ZNF248: variants seen among roughly 807,000 people sequenced by gnomAD.
ZNF248 encodes the protein KRAB protein domain.
A neutral mutation model predicts 44.3 loss-of-function variants in ZNF248; 20 were observed. That is an observed-to-expected ratio of 0.45 (90% confidence interval 0.32 to 0.66). The LOEUF (loss-of-function observed/expected upper bound fraction) is 0.66, where lower values mean the gene tolerates loss of function less well. Among genes scored for constraint, ZNF248 ranks in the 30% least tolerant of loss-of-function variants. ZNF248 has a pLI of 0.04. For synonymous variants in ZNF248, 224 were observed against 229.0 expected (o/e 0.98, Z 0.20); for missense variants, 654 against 677.0 (o/e 0.97, Z 0.38).
At position 37,800,242 on chromosome 10, in the gene ZNF248, T is replaced by C. The variant is rs11595561; in HGVS notation, c.331-23667A>G. Among the ~76,000 whole-genome samples, 1,452 of 152,216 alleles carry C rather than the reference T, an allele frequency of 9.5e-3. 8 individuals are homozygous for C. The highest frequency in any genetic ancestry group is 0.02 in the Middle Eastern group (6 of 294). ...GGTAATAAGCATAGTACTCCATAGG[T>C]AGTTTTTTGACACTCACCCTCCTCT... is the stretch of plus-strand genomic sequence containing the variant. On this transcript the variant is annotated intron_variant, in intron 6 of 6. Transcript: ENST00000615949.
intron 6 of ZNF248, among the ~76,000 whole-genome samples, chr10:37,809,188 AT>A (rs2051102047): frequency 6.6e-6 from 1 of 151,866 alleles, no homozygotes; most frequent in East Asian, 1.9e-4. Context: ...GGTTTAGTTG[AT>A]TTTCTCTATT....
Position 37,857,231 on chromosome 10 carries a change from T to TC in ZNF248, c.-173dup, listed in dbSNP as rs1398989180. The TC allele has an allele frequency of 2.0e-5, 3 of 152,694 alleles. No homozygotes were observed. Among genetic ancestry groups the TC allele is most frequent in the Middle Eastern group, 3.4e-3 (1 of 298 alleles). 9.5% of individuals were successfully genotyped at this position (152,694 alleles called of 1,614,324 possible). A position where few individuals can be genotyped will look rare whatever the true frequency, so the allele number is the denominator to read the frequency against. On this transcript the variant is annotated 5_prime_UTR_variant, in exon 1 of 6. The change abolishes the stop of an existing upstream ORF in the 5' untranslated region. Transcript: ENST00000395867. ...CCAGACCTTGCACCAGCACACAGAC[T>TC]CCGACGGCTTCAGGATACTGTGCCA...
chr10:37,815,325 A>G (rs1378114101), intron 6 of ZNF248, among the ~76,000 whole-genome samples: 1 of 152,108 alleles, frequency 6.6e-6, no homozygotes, highest in East Asian at 1.9e-4. Context: ...CAGCCTCCCA[A>G]AGTGCTGGGA....
At chr10:37,815,507 T>C (rs1359838482) in intron 6 of ZNF248, among the ~76,000 whole-genome samples, 1 of 152,090 alleles carries the variant, frequency 6.6e-6, no homozygotes, top group East Asian at 1.9e-4. Flanking sequence ...TCTCTATCTT[T>C]ATTGATGTTT....
At chr10:37,819,752 T>C (rs989374349) in intron 6 of ZNF248, 12 of 781,638 alleles carry the variant, frequency 1.5e-5, no homozygotes, top group Admixed American at 8.5e-5. Flanking sequence ...TTCAGCTCCA[T>C]TGGTCCTGCT....
At chr10:37,762,952 A>T in the ZNF248 span, among the ~76,000 whole-genome samples, 8 of 152,322 alleles carry the variant, frequency 5.3e-5, no homozygotes, top group East Asian at 3.9e-4. Context: ...TTTTTTAAAA[A>T]AATGTGTGTC....
At chr10:37,819,381 C>A in intron 6 of ZNF248, 1 of 1,353,782 alleles carries the variant, frequency 7.4e-7, no homozygotes, top group African/African-American at 1.4e-5. Context: ...ATCCAGTATT[C>A]CCTACATGCA....
downstream of ZNF248, among the ~76,000 whole-genome samples, chr10:37,826,510 G>A (rs1018153656): frequency 4.6e-5 from 7 of 152,124 alleles, no homozygotes; most frequent in Non-Finnish European, 7.4e-5. Flanking sequence ...GTTCAGGTAC[G>A]TTTTTCATCA....
At chr10:37,811,242 A>G (rs1446421398) in intron 6 of ZNF248, among the ~76,000 whole-genome samples, 1 of 152,208 alleles carries the variant, frequency 6.6e-6, no homozygotes, top group East Asian at 1.9e-4. Context: ...CTGTAGAAAA[A>G]GAAAATTTAT....
chr10:37,837,730 C>A lies in ZNF248; in HGVS notation c.143-18G>T. ...GCAATACCCTGTTAAGAGAAAATAC[C>A]ACAGGACTAGAGCTAAATAGCTTGG... is the stretch of plus-strand genomic sequence containing the variant. On this transcript the variant is annotated intron_variant, in intron 4 of 5. Coordinates refer to ENST00000395867, the MANE Select transcript of ZNF248 (RefSeq NM_021045.3). 6.2e-7 allele frequency: 1 copy of A among 1,609,184 alleles called. No individual in the cohort carries two copies. Among genetic ancestry groups the A allele is most frequent in the Non-Finnish European group, 8.5e-7 (1 of 1,176,482 alleles).
At chr10:37,856,582 A>G in intron 1 of ZNF248, 50 bp from the exon 2 acceptor site, 2 of 1,136,194 alleles carry the variant, frequency 1.8e-6, no homozygotes, top group Non-Finnish European at 2.2e-6. Flanking sequence ...TAACAAGTTA[A>G]CAGTAATCTG....
rs192796655 is a variant in ZNF248 at position 37,800,835 on chromosome 10, C to T, written c.331-24260G>A. 2.8e-3 allele frequency among the ~76,000 whole-genome samples: 421 copies of T among 151,698 alleles called. 4 individuals are homozygous for T. Among genetic ancestry groups the T allele is most frequent in the African/African-American group, 9.5e-3 (395 of 41,378 alleles). On this transcript the variant is annotated intron_variant, in intron 6 of 6. Transcript: ENST00000615949. ...GGAGTGCAGTGGCACGATCTTGGCT[C>T]ACTGCAACCTCTGCCTCCCTGGTTC...
At chr10:37,810,711 CA>C (rs1315475334) in intron 6 of ZNF248, among the ~76,000 whole-genome samples, 31 of 152,088 alleles carry the variant, frequency 2.0e-4, no homozygotes, top group African/African-American at 7.2e-4. Context: ...TAGAAATACA[CA>C]AATTTCCTAT....
the ZNF248 span, among the ~76,000 whole-genome samples, chr10:37,764,819 T>C: frequency 1.3e-5 from 2 of 152,224 alleles, no homozygotes; most frequent in South Asian, 2.1e-4. Flanking sequence ...TTTTATGTCA[T>C]ATTTTGTGGG....
chr10:37,794,649 T>C (rs1253323548), intron 6 of ZNF248: 1 of 161,668 alleles, frequency 6.2e-6, no homozygotes, highest in Non-Finnish European at 1.4e-5. Context: ...TTATCCTACA[T>C]TTAGTACATT....
chr10:37,812,770 A>G (rs1392574460), intron 6 of ZNF248, among the ~76,000 whole-genome samples: 1 of 151,484 alleles, frequency 6.6e-6, no homozygotes. Flanking sequence ...AAGGTTCATT[A>G]CAATGGTACT....
intron 6 of ZNF248, chr10:37,820,340 T>C: frequency 7.1e-7 from 1 of 1,399,040 alleles, no homozygotes; most frequent in Non-Finnish European, 1.0e-6. Flanking sequence ...ACAGGCCAGC[T>C]CCCCTTTGTG....
At chr10:37,791,602 A>C (rs1254286168) in intron 6 of ZNF248, 1 of 152,232 alleles carries the variant, frequency 6.6e-6, no homozygotes, top group East Asian at 1.9e-4. Flanking sequence ...GATGGATTTC[A>C]GTGGGATGTC....
intron 6 of ZNF248, among the ~76,000 whole-genome samples, chr10:37,792,497 G>T (rs1486497844): frequency 1.3e-5 from 2 of 152,090 alleles, no homozygotes; most frequent in Non-Finnish European, 2.9e-5. Flanking sequence ...GTATGAGCTG[G>T]ACTTAGCAAC....
Sources: allele counts gnomAD v4.1 joint callset (sites outside exome capture counted in the v4.1 genomes callset), GRCh38; gene constraint gnomAD v4.1.1; transcripts MANE v1.5; gene names NCBI Gene and HGNC (gene_info 2026-07-23, HGNC 2026-07-21).